The following EXD3 variants were observed in gnomAD, a reference collection of about 807,000 sequenced individuals.
EXD3 encodes the protein exonuclease mut-7 homolog.
A neutral mutation model predicts 98.0 loss-of-function variants in EXD3; 92 were observed. The ratio of observed to expected loss-of-function variants is 0.94; its 90% CI spans 0.79 to 1.12. The LOEUF is 1.12. EXD3 is among the 50% of genes most tolerant of loss of function. The pLI, the probability that EXD3 is intolerant of heterozygous loss-of-function variation, is 0.00. For missense variants in EXD3, 1,222 were observed against 1,191.6 expected, an observed-to-expected ratio of 1.03 and a Z score of -0.38; for synonymous variants, 569 against 526.0, an observed-to-expected ratio of 1.08 and a Z score of -1.12.
At chr9:137,400,916 G>A (rs934958074) in intron 1 of EXD3, among the ~76,000 whole-genome samples, 9 of 152,172 alleles carry the variant, frequency 5.9e-5, no homozygotes, top group African/African-American at 2.2e-4. Context: ...TCATGCTGAT[G>A]CAAGAGGTGG....
chr9:137,344,410 A>G (rs1833815447), intron 17 of EXD3, among the ~76,000 whole-genome samples: 1 of 152,214 alleles, frequency 6.6e-6, no homozygotes, highest in African/African-American at 2.4e-5. Flanking sequence ...ACTGGCTTCC[A>G]TGCTTGCAGT....
intron 9 of EXD3, 35 bp from the exon 10 acceptor site, chr9:137,354,412 C>T: frequency 6.2e-7 from 1 of 1,612,108 alleles, no homozygotes; most frequent in Non-Finnish European, 8.5e-7. Flanking sequence ...GGTTGCCAGG[C>T]AGCTCCAGAG....
chr9:137,405,276 C>T lies in EXD3; in HGVS notation c.-47-9872G>A, dbSNP rs529287943. On this transcript the variant is annotated intron_variant, in intron 1 of 21. Transcript: ENST00000340951. The surrounding 1 kb of genome is among the most constrained non-coding windows in gnomAD (Gnocchi z 4.1). ...CTGGGCCAGCACCCCCGGGGGAAGG[C>T]GGTGGGCACCCAGGGCCAGAGCAGG... 3.3e-5 allele frequency among the ~76,000 whole-genome samples: 5 copies of T among 152,328 alleles called. No individual in the cohort carries two copies. Among genetic ancestry groups the T allele is most frequent in the South Asian group, 4.1e-4 (2 of 4,834 alleles).
chr9:137,322,270 A>G (rs1280156342), intron 19 of EXD3, among the ~76,000 whole-genome samples: 3 of 152,094 alleles, frequency 2.0e-5, no homozygotes, highest in African/African-American at 7.2e-5. Context: ...ATCCAAGCCA[A>G]TGCCTGATTG....
chr9:137,348,294 TCAGAGAGCCAGGGCC>T, intron 16 of EXD3, 56 bp from the exon 17 acceptor site: 1 of 1,553,310 alleles, frequency 6.4e-7, no homozygotes, highest in Non-Finnish European at 8.7e-7. Flanking sequence ...CCTCACAGCC[TCAGAGAGCCAGGGCC>T]CTGAGGCTGT....
At chr9:137,315,941 T>G in intron 19 of EXD3, among the ~76,000 whole-genome samples, 1 of 146,546 alleles carries the variant, frequency 6.8e-6, no homozygotes, top group Non-Finnish European at 1.5e-5. Context: ...ACCGTCCCCA[T>G]CCCAGGGGAT....
intron 19 of EXD3, among the ~76,000 whole-genome samples, chr9:137,312,025 C>T (rs1831385883): frequency 6.6e-6 from 1 of 152,216 alleles, no homozygotes; most frequent in Admixed American, 6.5e-5. Context: ...TGAGGGCTTG[C>T]TGAGTCACAG....
At chr9:137,382,503 G>A (rs1043636631) in intron 3 of EXD3, among the ~76,000 whole-genome samples, 9 of 152,164 alleles carry the variant, frequency 5.9e-5, no homozygotes, top group African/African-American at 1.2e-4. Flanking sequence ...GAAATGGAAC[G>A]GCAGAGGGAA....
At chr9:137,351,262 G>T in intron 13 of EXD3, 56 bp downstream of exon 13, 2 of 1,560,684 alleles carry the variant, frequency 1.3e-6, no homozygotes, top group East Asian at 2.4e-5. Flanking sequence ...GGGTCAGGCA[G>T]GGGTGCGGGC....
intron 17 of EXD3, among the ~76,000 whole-genome samples, chr9:137,337,182 A>G (rs6606584): frequency 0.84 from 127,498 of 152,100 alleles, 53,574 homozygotes; most frequent in East Asian, 1. Flanking sequence ...AAAAGATTTC[A>G]CACAACAGAA....
Position 137,323,801 on chromosome 9 carries a change from G to A in EXD3, c.2108C>T (p.Ala703Val). The A allele has an allele frequency of 6.2e-7, 1 of 1,612,320 alleles. No individual in the cohort carries two copies. ...RCLSVDCSLKAQQQAKAVLKH... is the reference protein window; with the variant it reads ...RCLSVDCSLKVQQQAKAVLKH... ...GAGCACAGCCTTGGCCTGCTGCTGGGCCTTCAGGGAGCAGTCGACCGAGAG... is the reference window on the plus strand; with the variant it reads ...GAGCACAGCCTTGGCCTGCTGCTGGACCTTCAGGGAGCAGTCGACCGAGAG... Residue 703 changes from alanine to valine, a missense_variant, in exon 19 of 22, where the codon GCC becomes GTC. Ala to Val is a moderately conservative substitution (Grantham distance 64). Coordinates refer to ENST00000340951, the MANE Select transcript of EXD3 (RefSeq NM_017820.5).
intron 17 of EXD3, among the ~76,000 whole-genome samples, chr9:137,327,170 G>T (rs1832457295): frequency 6.8e-6 from 1 of 147,240 alleles, no homozygotes; most frequent in Non-Finnish European, 1.5e-5. Flanking sequence ...GTCTTGCTCT[G>T]TCGCCCAGGC....
Position 137,307,217 on chromosome 9 carries a change from G to A in EXD3, c.2364C>T (p.Pro788=), listed in dbSNP as rs765336040. The A allele has an allele frequency of 1.9e-6, 3 of 1,575,440 alleles. No homozygotes were observed. Among genetic ancestry groups the A allele is most frequent in the South Asian group, 1.2e-5 (1 of 86,902 alleles). Residue 788 remains proline, a synonymous_variant, in exon 22 of 22, where the codon CCC becomes CCT. Transcript: ENST00000340951. ...AAPEGCTYDR[P]CRWLQMADLR... is the part of the protein sequence containing the mutation. ...GGTCAGCCATCTGCAGCCAGCGGCA[G>A]GGGCGGTCATAGGTGCAGCCCTCAG...
intron 17 of EXD3, among the ~76,000 whole-genome samples, chr9:137,327,950 T>C (rs1832546281): frequency 7.9e-6 from 1 of 127,370 alleles, no homozygotes; most frequent in Admixed American, 8.2e-5. Flanking sequence ...ACAACTAATA[T>C]ACTCCTATAT....
intron 20 of EXD3, among the ~76,000 whole-genome samples, chr9:137,308,253 C>T (rs983231766): frequency 1.3e-5 from 2 of 152,150 alleles, no homozygotes; most frequent in Non-Finnish European, 2.9e-5. Flanking sequence ...TCCTGTTGAC[C>T]CTCGTAATTT....
chr9:137,335,740 C>CA (rs1168072336), intron 17 of EXD3, among the ~76,000 whole-genome samples: 1 of 152,088 alleles, frequency 6.6e-6, no homozygotes, highest in African/African-American at 2.4e-5. Context: ...GGAGATTTCT[C>CA]AAAGAACTAA....
intron 3 of EXD3, chr9:137,381,102 A>T (rs868725216): frequency 3.5e-5 from 5 of 143,804 alleles, no homozygotes; most frequent in Admixed American, 2.1e-4. Context: ...TCTGTCTCAC[A>T]CACACACACA....
chr9:137,419,294 T>C (rs1564226790), intron 1 of EXD3, among the ~76,000 whole-genome samples: 1 of 152,254 alleles, frequency 6.6e-6, no homozygotes, highest in Non-Finnish European at 1.5e-5. Context: ...CCAAATTCCC[T>C]GCCAATCGCG....
rs1016532423 is a variant in EXD3 at position 137,347,148 on chromosome 9, A to C, written c.1998+923T>G. On this transcript the variant is annotated intron_variant, in intron 17 of 21. Transcript: ENST00000340951. This position sits in a 1 kb window ranked among gnomAD's most constrained non-coding sequence, Gnocchi z 4.2. Reference sequence around the variant, plus strand: ...TAATGCTGCTGTCACAATTTACTAAAAGCTTAGCAGCTTACAACATAGTTC... The same window carrying C: ...TAATGCTGCTGTCACAATTTACTAACAGCTTAGCAGCTTACAACATAGTTC... 2.0e-5 allele frequency among the ~76,000 whole-genome samples: 3 copies of C among 152,102 alleles called. No individual in the cohort carries two copies. Among genetic ancestry groups the C allele is most frequent in the African/African-American group, 7.2e-5 (3 of 41,422 alleles).
Sources: allele counts gnomAD v4.1 joint callset (sites outside exome capture counted in the v4.1 genomes callset), GRCh38; gene constraint gnomAD v4.1.1; non-coding constraint Gnocchi (gnomAD v3.1); transcripts MANE v1.5; gene names NCBI Gene and HGNC (gene_info 2026-07-23, HGNC 2026-07-21).